POP5: variants seen among roughly 807,000 people sequenced by gnomAD.
The protein encoded by POP5 is POP5 ribonuclease P/MRP subunit, also known as ribonuclease P/MRP protein subunit POP5.
POP5 carries 18 observed loss-of-function variants against 20.7 expected under a neutral mutation model. That is an observed-to-expected ratio of 0.87 (90% CI 0.60 to 1.29). POP5 has a LOEUF of 1.29. Ranked by LOEUF, POP5 falls within the 50% of genes most tolerant of loss-of-function variation. POP5 has a pLI of 0.00. For synonymous variants in POP5, 91 were observed against 78.0 expected (o/e 1.17, Z -0.88); for missense variants, 200 against 203.2 (o/e 0.98, Z 0.10).
In POP5 at chr12:120,581,401, A is replaced by G. The variant is rs773896134; in HGVS notation, c.-39T>C. 3 of 1,600,246 alleles carry G rather than the reference A, an allele frequency of 1.9e-6. No individual in the cohort carries two copies. The highest frequency in any genetic ancestry group is 1.1e-5 in the South Asian group (1 of 89,426). ...CTCTCCGGTCCGGCGTGCAAACCGG[A>G]TGTGAATTCTGTCCGCTGCCAATGG... On this transcript the variant is annotated 5_prime_UTR_variant, in exon 1 of 5. Coordinates refer to ENST00000357500, the MANE Select transcript of POP5 (RefSeq NM_015918.4).
intron 3 of POP5, 57 bp downstream of exon 3, chr12:120,579,717 C>A: frequency 1.3e-6 from 2 of 1,559,846 alleles, no homozygotes; most frequent in Non-Finnish European, 1.8e-6. Context: ...CCAGTTTAGA[C>A]TGAACTGTGA....
Position 120,579,075 on chromosome 12 carries a change from C to T in POP5, c.*243G>A, listed in dbSNP as rs1877697252. On this transcript the variant is annotated 3_prime_UTR_variant, in exon 5 of 5. Coordinates refer to ENST00000357500, the MANE Select transcript of POP5 (RefSeq NM_015918.4). ...CGGAAACCAGATACATTTATTAAAT[C>T]TACTCTTAGCCAAGCAATAAAGATG... 1 of 555,558 alleles carries T rather than the reference C, an allele frequency of 1.8e-6. No homozygotes were observed. The allele number at this position is 555,558 out of a possible 1,614,324, so 34.4% of individuals were successfully genotyped here.
intron 2 of POP5, chr12:120,580,556 C>T (rs187573158): frequency 6.4e-6 from 1 of 155,376 alleles, no homozygotes; most frequent in Non-Finnish European, 1.4e-5. Flanking sequence ...CTCAGTCTCA[C>T]CTGACTTAGG....
chr12:120,581,252 A>G lies in POP5; in HGVS notation c.26T>C (p.Leu9Pro). 1.9e-6 allele frequency: 3 copies of G among 1,614,256 alleles called. No homozygotes were observed. Among genetic ancestry groups the G allele is most frequent in the Non-Finnish European group, 2.5e-6 (3 of 1,180,056 alleles). ...GTCGTCAGACACCAGTTCGCAGAGC[A>G]GGTACCTGCGGCAGGCGAGAGGAAG... MVRFKHRY[L>P]LCELVSDDPR... Residue 9 changes from leucine (L) to proline (P), a missense_variant, in exon 2 of 5, where the codon CTG (leucine) becomes CCG (proline). By Grantham distance (98) the Leu-to-Pro change is moderately conservative. Coordinates refer to ENST00000357500, the MANE Select transcript of POP5 (RefSeq NM_015918.4).
intron 4 of POP5, 47 bp downstream of exon 4, chr12:120,579,467 C>T (rs771761583): frequency 6.2e-6 from 10 of 1,607,706 alleles, no homozygotes; most frequent in African/African-American, 5.3e-5. Context: ...ATTTCTTCAG[C>T]TTAAGGTCAG....
Position 120,579,762 on chromosome 12 carries a change from C to A in POP5, c.313+12G>T, listed in dbSNP as rs372578822. On this transcript the variant is annotated intron_variant, in intron 3 of 4. Coordinates refer to ENST00000357500, the MANE Select transcript of POP5 (RefSeq NM_015918.4). ...CAATTGAAAATCAGTAGCCATACCA[C>A]CTCACTCCTACCTCCCACATGTAAT... The A allele has an allele frequency of 7.7e-5, 123 of 1,600,430 alleles. No individual in the cohort carries two copies. The highest frequency in any genetic ancestry group is 1.0e-4 in the Non-Finnish European group (120 of 1,167,768).
rs767454543 is a variant in POP5, at chr12:120,581,169, T to C, written c.109A>G (p.Ile37Val). Residue 37 changes from isoleucine (I) to valine (V), a missense_variant, in exon 2 of 5, where the codon ATC (isoleucine) becomes GTC (valine). Transcript: ENST00000357500. ...CCGAAAGTTCCGTGCACCCTGGCGATCGTGTCCCGTACGAGGCTGCTCAGA... is the reference window on the plus strand; with the variant it reads ...CCGAAAGTTCCGTGCACCCTGGCGACCGTGTCCCGTACGAGGCTGCTCAGA... ...RVLSSLVRDT[I>V]ARVHGTFGAA... The C allele has an allele frequency of 5.0e-6, 8 of 1,613,794 alleles. No homozygotes were observed. The East Asian group carries it at 1.8e-4, about 36-fold the overall frequency.
At chr12:120,580,786 CAT>C (rs946344320) in intron 2 of POP5, 1 of 346,816 alleles carries the variant, frequency 2.9e-6, no homozygotes. Flanking sequence ...TGTAATCGGT[CAT>C]ATAATAGCTC....
Position 120,579,123 on chromosome 12 carries a change from A to G in POP5, c.*195T>C, listed in dbSNP as rs571707653. 465 of 609,216 alleles carry G rather than the reference A, an allele frequency of 7.6e-4. 3 individuals carry two copies. The highest frequency in any genetic ancestry group is 1.2e-4 in the Non-Finnish European group (41 of 340,630). The allele number at this position is 609,216 out of a possible 1,614,324, so 37.7% of individuals were successfully genotyped here. A position where few individuals can be genotyped will look rare whatever the true frequency, so the allele number is the denominator to read the frequency against. On this transcript the variant is annotated 3_prime_UTR_variant, in exon 5 of 5. Coordinates refer to ENST00000357500, the MANE Select transcript of POP5 (RefSeq NM_015918.4). ...ATGTCTACAGAGTTCACAACCTGCA[A>G]CACTTCACCAGGGAATGCTAGGTAA...
rs544911287 is a variant in POP5 at position 120,578,951 on chromosome 12, T to G, written c.*367A>C. 8.2e-6 allele frequency: 2 copies of G among 244,258 alleles called. No individual in the cohort carries two copies. Among genetic ancestry groups the G allele is most frequent in the Admixed American group, 5.0e-5 (1 of 19,890 alleles). The allele number at this position is 244,258 out of a possible 1,614,324, so 15.1% of individuals were successfully genotyped here. ...AGTTTAACTAGTACCACATAGGGAG[T>G]CAGTCTTCCCACCAAGGCTAGGGAT... On this transcript the variant is annotated 3_prime_UTR_variant, in exon 5 of 5. Coordinates refer to ENST00000357500, the MANE Select transcript of POP5 (RefSeq NM_015918.4).
chr12:120,580,138 A>T, intron 2 of POP5: 1 of 468,990 alleles, frequency 2.1e-6, no homozygotes, highest in Admixed American at 3.9e-5. Context: ...GCCACTCAGG[A>T]GGCTGAGGCA....
intron 4 of POP5, 31 bp downstream of exon 4, chr12:120,579,483 G>T: frequency 6.2e-7 from 1 of 1,608,188 alleles, no homozygotes; most frequent in Non-Finnish European, 8.5e-7. Flanking sequence ...GTCAGTCACT[G>T]CTCAGTGGGC....
At position 120,579,362 on chromosome 12, in the gene POP5, C is replaced by T; in HGVS notation, c.448G>A (p.Glu150Lys). The change falls in exon 5 of 5, where the codon GAG becomes AAG. Residue 150 changes from glutamate (E) to lysine (K), a missense_variant. Physicochemically the swap from Glu to Lys is moderately conservative, Grantham distance 56. Transcript: ENST00000357500. ...KSVTRSCLLE[E>K]EEESGEEAAE... Reference sequence around the variant, plus strand: ...GCCTCCTCACCTGACTCCTCCTCCTCCTCTAATAAGCAGCTTCTTGTCACA... The same window carrying T: ...GCCTCCTCACCTGACTCCTCCTCCTTCTCTAATAAGCAGCTTCTTGTCACA... The T allele has an allele frequency of 1.2e-6, 2 of 1,614,228 alleles. No homozygotes were observed. Among genetic ancestry groups the T allele is most frequent in the South Asian group, 1.1e-5 (1 of 91,080 alleles).
At chr12:120,579,473 G>A (rs190786826) in intron 4 of POP5, 41 bp downstream of exon 4, 1 of 1,606,884 alleles carries the variant, frequency 6.2e-7, no homozygotes, top group Admixed American at 1.7e-5. Flanking sequence ...TCAGCTTAAG[G>A]TCAGTCACTG....
At position 120,579,531 on chromosome 12, in the gene POP5, T is replaced by C. The variant is rs376390708; in HGVS notation, c.380A>G (p.Gln127Arg). The change falls in exon 4 of 5, where the codon CAG (glutamine) becomes CGG (arginine). Residue 127 changes from glutamine (Q) to arginine (R), a missense_variant. Coordinates refer to ENST00000357500, the MANE Select transcript of POP5 (RefSeq NM_015918.4). ...TTGCTTACCTTCATCAGTGCAGTTC[T>C]GCAACAAGATCAACAGCTGTCTCCT... ...YNRRQLLILLQNCTDEGEREA... is the reference protein window; with the variant it reads ...YNRRQLLILLRNCTDEGEREA... 2 of 1,614,116 alleles carry C rather than the reference T, an allele frequency of 1.2e-6. No homozygotes were observed. Among genetic ancestry groups the C allele is most frequent in the East Asian group, 2.2e-5 (1 of 44,888 alleles).
rs781228227 is a variant in POP5, at chr12:120,581,390, G to C, written c.-28C>G. The C allele has an allele frequency of 5.0e-5, 80 of 1,604,688 alleles. No homozygotes were observed. Among genetic ancestry groups the C allele is most frequent in the Admixed American group, 8.7e-5 (5 of 57,752 alleles). On this transcript the variant is annotated 5_prime_UTR_variant, in exon 1 of 5. Coordinates refer to ENST00000357500, the MANE Select transcript of POP5 (RefSeq NM_015918.4). ...CTGCCTCCGCGCTCTCCGGTCCGGC[G>C]TGCAAACCGGATGTGAATTCTGTCC...
chr12:120,580,619 T>A (rs12227470), intron 2 of POP5: 43,454 of 159,016 alleles, frequency 0.27, 7,083 homozygotes, highest in Admixed American at 0.39. Context: ...CAAACAAGGT[T>A]AAAGTGGGAA....
At chr12:120,580,351 C>G (rs956017827) in intron 2 of POP5, among the ~76,000 whole-genome samples, 1 of 152,246 alleles carries the variant, frequency 6.6e-6, no homozygotes, top group Non-Finnish European at 1.5e-5. Context: ...AAAACACCCA[C>G]TGTGTTGCAC....
chr12:120,580,321 G>A (rs1010633522), intron 2 of POP5, among the ~76,000 whole-genome samples: 6 of 152,230 alleles, frequency 3.9e-5, no homozygotes, highest in Admixed American at 2.0e-4. Context: ...AGATCTATCA[G>A]CGAGTAAAAG....
Sources: allele counts gnomAD v4.1 joint callset (sites outside exome capture counted in the v4.1 genomes callset), GRCh38; gene constraint gnomAD v4.1.1; transcripts MANE v1.5; gene names NCBI Gene and HGNC (gene_info 2026-07-23, HGNC 2026-07-21).